SPAG16: variants seen among roughly 807,000 people sequenced by gnomAD.
The protein encoded by SPAG16 is sperm-associated antigen 16 protein.
SPAG16 carries 86 observed loss-of-function variants against 80.4 expected under a neutral mutation model. That is an observed-to-expected ratio of 1.07 (90% CI 0.90 to 1.28). The LOEUF is 1.28. SPAG16 is among the 50% of genes most tolerant of loss of function. The pLI, the probability that SPAG16 is intolerant of heterozygous loss-of-function variation, is 0.00. For synonymous variants in SPAG16, 294 were observed against 265.9 expected (o/e 1.11, Z -1.03); for missense variants, 870 against 765.3 (o/e 1.14, Z -1.61).
chr2:213,823,034 G>C (rs761497991), intron 10 of SPAG16, among the ~76,000 whole-genome samples: 1 of 152,046 alleles, frequency 6.6e-6, no homozygotes, highest in Non-Finnish European at 1.5e-5. Context: ...TGCAATAAAC[G>C]TAAGTGTGCA....
chr2:213,902,895 C>T (rs115510886), intron 11 of SPAG16, among the ~76,000 whole-genome samples: 4,827 of 152,262 alleles, frequency 0.032, 89 homozygotes, highest in East Asian at 0.083. Flanking sequence ...GGGAGAAATT[C>T]GTCAAAACAA....
chr2:213,419,397 C>G (rs2069458849), intron 9 of SPAG16, among the ~76,000 whole-genome samples: 1 of 151,988 alleles, frequency 6.6e-6, no homozygotes, highest in Non-Finnish European at 1.5e-5. Context: ...GCCTTTTTTA[C>G]TCCCTAATAT....
At chr2:213,521,962 C>A (rs779645782) in intron 10 of SPAG16, among the ~76,000 whole-genome samples, 15 of 152,154 alleles carry the variant, frequency 9.9e-5, no homozygotes, top group Admixed American at 5.2e-4. Context: ...TCATTGGAAA[C>A]CAATATTCAT....
At chr2:213,455,376 C>T (rs551274560) in intron 9 of SPAG16, among the ~76,000 whole-genome samples, 101 of 152,146 alleles carry the variant, frequency 6.6e-4, no homozygotes, top group Non-Finnish European at 1.1e-3. Flanking sequence ...TCCCCTTGTA[C>T]TGGTAGCTTA....
intron 15 of SPAG16, among the ~76,000 whole-genome samples, chr2:214,169,515 G>A (rs2056793897): frequency 6.6e-6 from 1 of 151,974 alleles, no homozygotes; most frequent in Non-Finnish European, 1.5e-5. Context: ...TGAGCTCCGA[G>A]CACTTTGAAG....
intron 5 of SPAG16, among the ~76,000 whole-genome samples, chr2:213,336,913 T>C (rs2064393034): frequency 6.6e-6 from 1 of 152,186 alleles, no homozygotes; most frequent in South Asian, 2.1e-4. Context: ...CCACTCCTGC[T>C]GACTAGGTGA....
At chr2:213,423,261 T>C (rs2125446013) in intron 9 of SPAG16, among the ~76,000 whole-genome samples, 1 of 152,366 alleles carries the variant, frequency 6.6e-6, no homozygotes, top group Admixed American at 6.5e-5. Flanking sequence ...GGGTAGAATA[T>C]AATATGAAGA....
intron 13 of SPAG16, among the ~76,000 whole-genome samples, chr2:214,074,307 A>T (rs1291746953): frequency 6.6e-6 from 1 of 152,180 alleles, no homozygotes; most frequent in Non-Finnish European, 1.5e-5. Flanking sequence ...AATACAATGG[A>T]AGAGAGGTTG....
chr2:213,879,075 G>C (rs2076247622), intron 11 of SPAG16, among the ~76,000 whole-genome samples: 1 of 151,996 alleles, frequency 6.6e-6, no homozygotes, highest in Non-Finnish European at 1.5e-5. Flanking sequence ...TTTGAGGTCA[G>C]GTAATGTGAT....
chr2:213,860,773 A>G (rs2075421712), intron 10 of SPAG16, among the ~76,000 whole-genome samples: 1 of 152,140 alleles, frequency 6.6e-6, no homozygotes, highest in African/African-American at 2.4e-5. Context: ...CAAAGTTCGT[A>G]AAAACATCAA....
chr2:213,632,541 G>A (rs2062195513), intron 10 of SPAG16, among the ~76,000 whole-genome samples: 1 of 152,016 alleles, frequency 6.6e-6, no homozygotes, highest in Non-Finnish European at 1.5e-5. Context: ...CATACTTGTT[G>A]TGCTCTAGAT....
chr2:214,004,813 C>T (rs1467508183), intron 12 of SPAG16, among the ~76,000 whole-genome samples: 1 of 151,880 alleles, frequency 6.6e-6, no homozygotes, highest in African/African-American at 2.4e-5. Flanking sequence ...ATTTTATAGG[C>T]CAAGCATGAG....
At chr2:213,379,019 C>T (rs998713339) in intron 9 of SPAG16, among the ~76,000 whole-genome samples, 17 of 152,190 alleles carry the variant, frequency 1.1e-4, no homozygotes, top group African/African-American at 4.1e-4. Flanking sequence ...AGCCTGTTGA[C>T]TTAAAGGTAG....
At chr2:213,976,858 C>T (rs1447697199) in intron 12 of SPAG16, among the ~76,000 whole-genome samples, 1 of 151,942 alleles carries the variant, frequency 6.6e-6, no homozygotes, top group Non-Finnish European at 1.5e-5. Flanking sequence ...TTCCTAAAAC[C>T]TCACTATAAA....
intron 9 of SPAG16, among the ~76,000 whole-genome samples, chr2:213,398,193 T>C (rs1190592493): frequency 6.6e-6 from 1 of 151,804 alleles, no homozygotes; most frequent in Non-Finnish European, 1.5e-5. Context: ...CCACCGTCTG[T>C]AGTTTGTATT....
At chr2:214,240,787 ATTTAT>A (rs1278593472) in intron 15 of SPAG16, 1 of 152,202 alleles carries the variant, frequency 6.6e-6, no homozygotes, top group Non-Finnish European at 1.5e-5. Flanking sequence ...TCTACTGAGC[ATTTAT>A]TTTATGTGAA....
At chr2:213,316,748 C>T (rs560578595) in intron 4 of SPAG16, among the ~76,000 whole-genome samples, 39 of 152,058 alleles carry the variant, frequency 2.6e-4, no homozygotes, top group Non-Finnish European at 4.9e-4. Context: ...CACAGTCCCT[C>T]ATTTCCTTTA....
At chr2:213,883,627 T>C (rs1004978922) in intron 11 of SPAG16, among the ~76,000 whole-genome samples, 9 of 152,178 alleles carry the variant, frequency 5.9e-5, no homozygotes, top group African/African-American at 1.9e-4. Context: ...TCTCCCACTA[T>C]TATAGTGTGG....
chr2:213,872,750 A>G (rs1360667708), intron 11 of SPAG16, among the ~76,000 whole-genome samples: 3 of 152,050 alleles, frequency 2.0e-5, no homozygotes, highest in Non-Finnish European at 2.9e-5. Context: ...TATTAGGTTG[A>G]AGAAGTTTAT....
Sources: allele counts gnomAD v4.1 joint callset (sites outside exome capture counted in the v4.1 genomes callset), GRCh38; gene constraint gnomAD v4.1.1; transcripts MANE v1.5; gene names NCBI Gene and HGNC (gene_info 2026-07-23, HGNC 2026-07-21).